The following EXT2 variants were observed in gnomAD, a reference collection of about 807,000 sequenced individuals.
EXT2 encodes the protein exostosin-2.
A neutral mutation model predicts 81.6 loss-of-function variants in EXT2; 53 were observed. That is an observed-to-expected ratio of 0.65 (90% CI 0.52 to 0.82). EXT2 has a LOEUF of 0.82. EXT2 is among the 40% of genes least tolerant of loss of function. The pLI is 0.00. For synonymous variants in EXT2, 320 were observed against 340.0 expected (o/e 0.94, Z 0.65); for missense variants, 774 against 910.2 (o/e 0.85, Z 1.93).
At chr11:44,119,124 TTATATATATATATATATATATA>T (rs200249806) in intron 4 of EXT2, among the ~76,000 whole-genome samples, 15 of 25,654 alleles carry the variant, frequency 5.8e-4, no homozygotes, top group East Asian at 2.0e-3. Flanking sequence ...ATTTGGCTAT[TTATATATATATATATATATATA>T]TATATATATA....
rs150334343 is a variant in EXT2 at position 44,220,771 on chromosome 11, C to T, written c.1663-11582C>T. Among the ~76,000 whole-genome samples the T allele has an allele frequency of 4.5e-4, 68 of 152,244 alleles. No individual in the cohort carries two copies. The highest frequency in any genetic ancestry group is 1.6e-3 in the African/African-American group (66 of 41,554). On this transcript the variant is annotated intron_variant, in intron 10 of 13. Coordinates refer to ENST00000533608, the MANE Select transcript of EXT2 (RefSeq NM_207122.2). This position sits in a 1 kb window ranked among gnomAD's most constrained non-coding sequence, Gnocchi z 4.4. ...GAGAGAAAATAGTTCATGTGTGCCA[C>T]GGCTGCAGCAAGTGCTGCTGAAAGA...
intron 8 of EXT2, among the ~76,000 whole-genome samples, chr11:44,186,619 A>C (rs1249472430): frequency 1.3e-5 from 2 of 152,254 alleles, no homozygotes; most frequent in African/African-American, 4.8e-5. Context: ...TGACGTAGCT[A>C]AAACTCAGAT....
intron 7 of EXT2, among the ~76,000 whole-genome samples, chr11:44,136,351 A>G (rs1954566842): frequency 6.6e-6 from 1 of 152,212 alleles, no homozygotes; most frequent in Non-Finnish European, 1.5e-5. Flanking sequence ...AAAGAGACGT[A>G]AAGTAATCCT....
At chr11:44,140,194 A>AT (rs1954627236) in intron 7 of EXT2, among the ~76,000 whole-genome samples, 2 of 152,008 alleles carry the variant, frequency 1.3e-5, no homozygotes, top group African/African-American at 4.8e-5. Flanking sequence ...TTTGCAATGA[A>AT]TTTTTTCCTA....
chr11:44,229,899 G>A (rs907083946), intron 10 of EXT2, among the ~76,000 whole-genome samples: 2 of 152,170 alleles, frequency 1.3e-5, no homozygotes, highest in Non-Finnish European at 2.9e-5. Flanking sequence ...TGCATACCAG[G>A]CACTGTTCTT....
At chr11:44,228,162 T>A (rs561401440) in intron 10 of EXT2, among the ~76,000 whole-genome samples, 2 of 152,182 alleles carry the variant, frequency 1.3e-5, no homozygotes, top group Non-Finnish European at 1.5e-5. Flanking sequence ...TCCCCAAAGA[T>A]GCGTGCAATT....
chr11:44,228,589 A>G (rs777294168), intron 10 of EXT2, among the ~76,000 whole-genome samples: 9 of 152,214 alleles, frequency 5.9e-5, no homozygotes, highest in Non-Finnish European at 1.0e-4. Context: ...AGTGACAAGG[A>G]TGGTATCTTG....
chr11:44,107,950 CG>C lies in EXT2; in HGVS notation c.244del (p.Asp82IlefsTer30), dbSNP rs1555002457. 6.2e-7 allele frequency: 1 copy of C among 1,614,182 alleles called. No homozygotes were observed. Among genetic ancestry groups the C allele is most frequent in the Non-Finnish European group, 8.5e-7 (1 of 1,180,034 alleles). ...RLPADSPIPE[R>X]GDLSCRMHTC... ...GCCAGCCGACAGTCCCATCCCAGAG[CG>C]GGGGGATCTCAGTTGCAGAATGCAC... On this transcript the variant is annotated frameshift_variant, in exon 2 of 14. Coordinates refer to ENST00000533608, the MANE Select transcript of EXT2 (RefSeq NM_207122.2). LOFTEE classifies it high-confidence loss of function.
chr11:44,144,488 C>T, intron 7 of EXT2: 1 of 694,578 alleles, frequency 1.4e-6, no homozygotes, highest in Non-Finnish European at 2.4e-6. Flanking sequence ...AAGCCACTGG[C>T]CGGCCTTGCC....
rs765725291 is a variant in EXT2, at chr11:44,107,732, A to G, written c.20A>G (p.Tyr7Cys). 1.2e-6 allele frequency: 2 copies of G among 1,614,242 alleles called. No homozygotes were observed. The highest frequency in any genetic ancestry group is 2.2e-5 in the East Asian group (1 of 44,886). The change falls in exon 2 of 14, where the codon TAT (tyrosine) becomes TGT (cysteine). Residue 7 changes from tyrosine to cysteine, a missense_variant. This residue lies in a region of EXT2 where 626 missense variants were observed against 670.5 expected (regional missense o/e 0.93). Coordinates refer to ENST00000533608, the MANE Select transcript of EXT2 (RefSeq NM_207122.2). MCASVK[Y>C]NIRGPALIPR... ...GTCATTATGTGTGCGTCGGTCAAGT[A>G]TAATATCCGGGGTCCTGCCCTCATC...
chr11:44,167,887 G>A (rs557919648), intron 7 of EXT2, among the ~76,000 whole-genome samples: 6 of 151,952 alleles, frequency 3.9e-5, no homozygotes, highest in African/African-American at 9.7e-5. Flanking sequence ...ATATGTATAC[G>A]TGTGCCATGC....
chr11:44,124,482 C>CACAA (rs1954367853), intron 4 of EXT2, among the ~76,000 whole-genome samples: 1 of 145,752 alleles, frequency 6.9e-6, no homozygotes, highest in Non-Finnish European at 1.5e-5. Context: ...CACACACACA[C>CACAA]AATTTATAGC....
In EXT2 at chr11:44,126,916, C is replaced by G. The variant is rs746031826; in HGVS notation, c.1040C>G (p.Ser347Cys). ...TGTGTCCCGGTTGTCATTGCAGACT[C>G]CTATATTTTGCCTTTCTCTGAAGTT... ...AGCVPVVIADSYILPFSEVLD... is the reference protein window; with the variant it reads ...AGCVPVVIADCYILPFSEVLD... Residue 347 changes from serine (S) to cysteine (C), a missense_variant, in exon 6 of 14, where the codon TCC becomes TGC. This residue lies in a region of EXT2 where 626 missense variants were observed against 670.5 expected (regional missense o/e 0.93). Coordinates refer to ENST00000533608, the MANE Select transcript of EXT2 (RefSeq NM_207122.2). 8.1e-6 allele frequency: 13 copies of G among 1,614,008 alleles called. No individual in the cohort carries two copies. The East Asian group carries it at 1.6e-4, about 19-fold the overall frequency.
intron 10 of EXT2, among the ~76,000 whole-genome samples, chr11:44,210,023 C>A (rs1484009057): frequency 6.6e-6 from 1 of 152,172 alleles, no homozygotes; most frequent in Non-Finnish European, 1.5e-5. Context: ...ATTATTCTGG[C>A]CTGTATGCCC....
intron 7 of EXT2, among the ~76,000 whole-genome samples, chr11:44,142,094 A>T (rs1044808614): frequency 1.3e-5 from 2 of 152,224 alleles, no homozygotes; most frequent in Admixed American, 1.3e-4. Flanking sequence ...TAGTATGTAG[A>T]TGGCTAACAT....
rs746137895 is a variant in EXT2 at position 44,251,410 on chromosome 11, G to T, written c.*7123G>T. On this transcript the variant is annotated 3_prime_UTR_variant, in exon 14 of 14. Transcript: ENST00000533608. ...TTATATGCTGTGTGGAAGTCTGGGG[G>T]TTAGGAAATACCTGGAGGGAGAACT... Among the ~76,000 whole-genome samples, 2 of 152,172 alleles carry T rather than the reference G, an allele frequency of 1.3e-5. No homozygotes were observed. The highest frequency in any genetic ancestry group is 2.9e-5 in the Non-Finnish European group (2 of 68,022).
At chr11:44,200,015 G>A (rs895669829) in intron 9 of EXT2, among the ~76,000 whole-genome samples, 1 of 152,106 alleles carries the variant, frequency 6.6e-6, no homozygotes, top group African/African-American at 2.4e-5. Flanking sequence ...CGATGTGGTT[G>A]TTTGGGGAGA....
intron 11 of EXT2, among the ~76,000 whole-genome samples, chr11:44,233,346 G>C (rs1955921285): frequency 1.3e-5 from 2 of 152,098 alleles, no homozygotes; most frequent in Admixed American, 1.3e-4. Flanking sequence ...AAGTAAAAGT[G>C]AATTTTATTG....
At chr11:44,179,515 A>ACT (rs1955205340) in intron 8 of EXT2, among the ~76,000 whole-genome samples, 1 of 152,214 alleles carries the variant, frequency 6.6e-6, no homozygotes, top group Non-Finnish European at 1.5e-5. Context: ...AGATTAATTA[A>ACT]GAACATACTG....
Sources: gnomAD v4.1 joint callset for allele counts (sites outside exome capture counted in the v4.1 genomes callset) on GRCh38, gnomAD v4.1.1 for gene constraint, gnomAD v4.1.1 regional missense constraint, Gnocchi (gnomAD v3.1) non-coding constraint, MANE v1.5 for transcripts, NCBI Gene and HGNC (gene_info 2026-07-23, HGNC 2026-07-21) for gene names.